Variants in DLGAP1 observed in about 807,000 individuals in gnomAD.
DLGAP1 encodes disks large-associated protein 1.
DLGAP1 carries 11 observed loss-of-function variants against 90.8 expected under a neutral mutation model. The observed-to-expected ratio is 0.12, with a 90% CI of 0.08 to 0.20. DLGAP1 has a LOEUF of 0.20. DLGAP1 is among the 10% of genes least tolerant of loss of function. The pLI, the probability that DLGAP1 is intolerant of heterozygous loss-of-function variation, is 1.00. For synonymous variants in DLGAP1, 558 were observed against 540.7 expected, an observed-to-expected ratio of 1.03 and a Z score of -0.44; for missense variants, 1,050 against 1,333.8, an observed-to-expected ratio of 0.79 and a Z score of 3.31.
intron 1 of DLGAP1, among the ~76,000 whole-genome samples, chr18:4,161,236 C>G (rs982222969): frequency 3.9e-5 from 6 of 152,056 alleles, no homozygotes; most frequent in African/African-American, 1.4e-4. Flanking sequence ...CTCCCTCCCG[C>G]CACCTTTCCC....
chr18:4,174,404 G>C (rs1243617114), intron 1 of DLGAP1, among the ~76,000 whole-genome samples: 1 of 151,716 alleles, frequency 6.6e-6, no homozygotes, highest in African/African-American at 2.4e-5. Context: ...GCACGATCTC[G>C]GCTCACTGCA....
At chr18:4,133,807 C>T (rs185385582) in intron 2 of DLGAP1, among the ~76,000 whole-genome samples, 3 of 151,940 alleles carry the variant, frequency 2.0e-5, no homozygotes, top group Admixed American at 6.6e-5. Context: ...GAGTGAAGTT[C>T]GTGGGTGAGG....
intron 4 of DLGAP1, chr18:3,878,169 T>C (rs945737355): frequency 6.6e-6 from 1 of 151,916 alleles, no homozygotes; most frequent in Non-Finnish European, 1.5e-5. Context: ...GTAATTTTTT[T>C]TTTTTTTTAA....
intron 2 of DLGAP1, among the ~76,000 whole-genome samples, chr18:4,141,138 T>A (rs1409398225): frequency 6.6e-6 from 1 of 152,088 alleles, no homozygotes; most frequent in Non-Finnish European, 1.5e-5. Context: ...TTGATTTCTA[T>A]ATCTGTCTTC....
chr18:3,509,998 T>C (rs1005448249), intron 10 of DLGAP1, among the ~76,000 whole-genome samples: 2 of 152,220 alleles, frequency 1.3e-5, no homozygotes, highest in African/African-American at 2.4e-5. Flanking sequence ...GGGGTCTCCC[T>C]TGACAGCTGT....
At chr18:3,721,466 G>A (rs2147350203) in intron 7 of DLGAP1, 1 of 152,204 alleles carries the variant, frequency 6.6e-6, no homozygotes, top group South Asian at 2.1e-4. Context: ...AACCCAGAGA[G>A]TATTTTCTTT....
chr18:3,544,123 C>T (rs1184555573), intron 9 of DLGAP1, among the ~76,000 whole-genome samples: 2 of 152,192 alleles, frequency 1.3e-5, no homozygotes, highest in Non-Finnish European at 2.9e-5. Flanking sequence ...GGCACGGTGG[C>T]TCACGCCTGT....
intron 1 of DLGAP1, among the ~76,000 whole-genome samples, chr18:4,347,374 C>A (rs2081319435): frequency 6.6e-6 from 1 of 151,970 alleles, no homozygotes; most frequent in Admixed American, 6.6e-5. Flanking sequence ...GATACCTAAA[C>A]CTAAAAAACT....
At chr18:3,672,309 G>A (rs1207976871) in intron 7 of DLGAP1, among the ~76,000 whole-genome samples, 4 of 151,770 alleles carry the variant, frequency 2.6e-5, no homozygotes, top group African/African-American at 9.7e-5. Flanking sequence ...AGGGAACGGT[G>A]GTTCACGCCT....
chr18:4,089,863 G>C (rs1363890624), intron 2 of DLGAP1, among the ~76,000 whole-genome samples: 1 of 152,138 alleles, frequency 6.6e-6, no homozygotes, highest in Non-Finnish European at 1.5e-5. Context: ...GGCTAACACG[G>C]TGAAACCCCG....
intron 4 of DLGAP1, among the ~76,000 whole-genome samples, chr18:3,826,175 T>C (rs563243970): frequency 6.6e-6 from 1 of 152,240 alleles, no homozygotes; most frequent in South Asian, 2.1e-4. Flanking sequence ...CTGAGTACTA[T>C]GTTCATTATT....
intron 1 of DLGAP1, among the ~76,000 whole-genome samples, chr18:4,427,379 T>A (rs1189776884): frequency 6.6e-6 from 1 of 152,158 alleles, no homozygotes; most frequent in Non-Finnish European, 1.5e-5. Flanking sequence ...AATATGTGAG[T>A]CTGGGATCTT....
intron 4 of DLGAP1, chr18:3,874,491 G>C (rs2070941066): frequency 7.0e-7 from 1 of 1,433,592 alleles, no homozygotes. Context: ...TTTACATAAA[G>C]AGGCATAAAC....
chr18:3,764,088 A>G (rs753207382), intron 5 of DLGAP1, among the ~76,000 whole-genome samples: 38 of 152,226 alleles, frequency 2.5e-4, no homozygotes, highest in Non-Finnish European at 4.3e-4. Context: ...ACATGGCCCT[A>G]TGCATTTAAG....
intron 9 of DLGAP1, among the ~76,000 whole-genome samples, chr18:3,548,861 AC>A (rs1317364737): frequency 1.3e-5 from 2 of 151,974 alleles, no homozygotes; most frequent in African/African-American, 4.8e-5. Flanking sequence ...ACATGGCGAA[AC>A]CCCCTCTCTA....
Position 4,378,098 on chromosome 18 carries a change from T to C in DLGAP1, c.-267+76908A>G, listed in dbSNP as rs1487359939. The stretch of plus-strand genomic sequence containing the variant: ...TATCACTTTTCAATCTTTTTTCTAA[T>C]ATATAACATATATTAGAAATATTGT... On this transcript the variant is annotated intron_variant, in intron 1 of 12. Transcript: ENST00000315677. This position sits in a 1 kb window ranked among gnomAD's most constrained non-coding sequence, Gnocchi z 4.5. 2.7e-5 allele frequency among the ~76,000 whole-genome samples: 4 copies of C among 148,438 alleles called. No homozygotes were observed. Among genetic ancestry groups the C allele is most frequent in the Non-Finnish European group, 4.5e-5 (3 of 67,260 alleles).
intron 1 of DLGAP1, among the ~76,000 whole-genome samples, chr18:4,412,957 G>T (rs1044278606): frequency 1.3e-5 from 2 of 152,180 alleles, no homozygotes; most frequent in Admixed American, 6.5e-5. Flanking sequence ...CAGATCGGAG[G>T]GGATGCTATT....
chr18:3,979,617 G>A (rs2073680763), intron 3 of DLGAP1, among the ~76,000 whole-genome samples: 1 of 152,084 alleles, frequency 6.6e-6, no homozygotes, highest in African/African-American at 2.4e-5. Flanking sequence ...AGTTTCAGTT[G>A]GACTATTACA....
At position 3,830,179 on chromosome 18, in the gene DLGAP1, A is replaced by G. The variant is rs1033576789; in HGVS notation, c.958-15906T>C. Among the ~76,000 whole-genome samples the G allele has an allele frequency of 2.0e-5, 3 of 152,202 alleles. No homozygotes were observed. In the South Asian group the frequency reaches 6.2e-4, roughly 32 times the overall value. The stretch of plus-strand genomic sequence containing the variant: ...GTCAATTTCATTGACAATGTTCTTT[A>G]AGGGCAAAAGAGTCATTCATGGAAT... On this transcript the variant is annotated intron_variant, in intron 4 of 12. Coordinates refer to ENST00000315677, the MANE Select transcript of DLGAP1 (RefSeq NM_004746.4).
Sources: allele counts gnomAD v4.1 joint callset (sites outside exome capture counted in the v4.1 genomes callset), GRCh38; gene constraint gnomAD v4.1.1; non-coding constraint Gnocchi (gnomAD v3.1); transcripts MANE v1.5; gene names NCBI Gene and HGNC (gene_info 2026-07-23, HGNC 2026-07-21).